The following UTRN variants were observed in gnomAD, a reference collection of about 807,000 sequenced individuals.
UTRN encodes utrophin.
A neutral mutation model predicts 463.9 loss-of-function variants in UTRN; 283 were observed. That is an observed-to-expected ratio of 0.61 (90% CI 0.55 to 0.67). The LOEUF is 0.67. Among genes scored for constraint, UTRN ranks in the 30% least tolerant of loss-of-function variants. The probability of loss-of-function intolerance (pLI) is 0.00; values close to 1 mark genes in which losing one functional copy is unlikely to be tolerated. For missense variants in UTRN, 3,922 were observed against 4,084.3 expected (o/e 0.96, Z 1.08); for synonymous variants, 1,442 against 1,431.5 (o/e 1.01, Z -0.17).
chr6:144,632,339 G>A (rs1238067366), intron 51 of UTRN, among the ~76,000 whole-genome samples: 2 of 152,238 alleles, frequency 1.3e-5, no homozygotes, highest in East Asian at 1.9e-4. Context: ...GCTGAGAAAC[G>A]TTTGTGAATA....
At chr6:144,565,734 G>A (rs983313067) in intron 50 of UTRN, among the ~76,000 whole-genome samples, 3 of 152,156 alleles carry the variant, frequency 2.0e-5, no homozygotes, top group Non-Finnish European at 4.4e-5. Context: ...TCCACAGCTT[G>A]GACATTCCTG....
At chr6:144,824,607 TATA>T (rs1562955070) in intron 66 of UTRN, among the ~76,000 whole-genome samples, 34 of 48,326 alleles carry the variant, frequency 7.0e-4, no homozygotes, top group East Asian at 5.3e-3. Context: ...TATATATATA[TATA>T]TATCTTTTTT....
At chr6:144,733,817 C>T (rs12525007) in intron 54 of UTRN, among the ~76,000 whole-genome samples, 17,986 of 152,202 alleles carry the variant, frequency 0.12, 1,682 homozygotes, top group Admixed American at 0.32. Context: ...GAAAAATGAA[C>T]TGCTCAGGTC....
At chr6:144,650,413 A>G (rs140454645) in intron 51 of UTRN, among the ~76,000 whole-genome samples, 1 of 152,342 alleles carries the variant, frequency 6.6e-6, no homozygotes, top group East Asian at 1.9e-4. Flanking sequence ...GGTGATTCCA[A>G]CTTGTTTTAA....
chr6:144,485,822 AT>A (rs1225913068), intron 28 of UTRN, among the ~76,000 whole-genome samples: 2 of 152,240 alleles, frequency 1.3e-5, no homozygotes, highest in African/African-American at 4.8e-5. Context: ...AAGCTCTGCC[AT>A]ATGTTATTAG....
chr6:144,665,389 T>G (rs1278289710), intron 51 of UTRN, among the ~76,000 whole-genome samples: 1 of 152,220 alleles, frequency 6.6e-6, no homozygotes, highest in Non-Finnish European at 1.5e-5. Context: ...TTATAATGTA[T>G]ATCACATAAT....
At chr6:144,294,344 A>C (rs1804503091) in intron 2 of UTRN, among the ~76,000 whole-genome samples, 2 of 152,108 alleles carry the variant, frequency 1.3e-5, no homozygotes, top group African/African-American at 4.8e-5. Context: ...CCTCTAAGGG[A>C]CTTTTTTTGA....
At chr6:144,430,109 C>T (rs1301526169) in intron 9 of UTRN, among the ~76,000 whole-genome samples, 1 of 151,964 alleles carries the variant, frequency 6.6e-6, no homozygotes, top group Non-Finnish European at 1.5e-5. Context: ...TTTCTAAGTA[C>T]TAATTGTCTT....
chr6:144,610,299 A>G (rs1021104607), intron 51 of UTRN, among the ~76,000 whole-genome samples: 2 of 152,126 alleles, frequency 1.3e-5, no homozygotes, highest in Non-Finnish European at 1.5e-5. Context: ...ACAATTATAC[A>G]GCAACTAATT....
intron 51 of UTRN, among the ~76,000 whole-genome samples, chr6:144,584,523 T>C (rs776505892): frequency 1.3e-5 from 2 of 152,146 alleles, no homozygotes; most frequent in African/African-American, 2.4e-5. Context: ...GAAAATATTA[T>C]TTTTCTGATG....
At chr6:144,406,331 T>G (rs1406954911) in intron 3 of UTRN, among the ~76,000 whole-genome samples, 1 of 149,906 alleles carries the variant, frequency 6.7e-6, no homozygotes, top group Non-Finnish European at 1.5e-5. Context: ...ACCTTCTCCA[T>G]CTCCCTTTCC....
chr6:144,457,009 G>T (rs1788911279), intron 19 of UTRN, among the ~76,000 whole-genome samples: 1 of 152,148 alleles, frequency 6.6e-6, no homozygotes, highest in Non-Finnish European at 1.5e-5. Flanking sequence ...TTAATAAAGT[G>T]ATCTTCTGTT....
intron 3 of UTRN, among the ~76,000 whole-genome samples, chr6:144,406,444 G>A (rs1584648287): frequency 6.8e-6 from 1 of 146,920 alleles, no homozygotes; most frequent in East Asian, 2.0e-4. Flanking sequence ...ATTGCAGCCT[G>A]CAGCCTCTGC....
chr6:144,742,580 T>G (rs937486630), intron 54 of UTRN, among the ~76,000 whole-genome samples: 1 of 152,176 alleles, frequency 6.6e-6, no homozygotes, highest in Admixed American at 6.5e-5. Context: ...CCTGGTTTGC[T>G]TATGTGAAAA....
intron 66 of UTRN, among the ~76,000 whole-genome samples, chr6:144,824,612 A>ATATT (rs1562955125): frequency 3.8e-4 from 15 of 39,796 alleles, no homozygotes; most frequent in East Asian, 1.1e-3. Context: ...ATATATATAT[A>ATATT]TCTTTTTTTT....
At position 144,462,757 on chromosome 6, in the gene UTRN, A is replaced by G. The variant is rs145863168; in HGVS notation, c.2957A>G (p.Tyr986Cys). The G allele has an allele frequency of 6.2e-6, 10 of 1,612,120 alleles. No homozygotes were observed. The African/African-American group carries it at 9.3e-5, about 15-fold the overall frequency. The change falls in exon 23 of 75, where the codon TAT becomes TGT. Residue 986 changes from tyrosine (Y) to cysteine (C), a missense_variant. Physicochemically the swap from Tyr to Cys is radical, Grantham distance 194. This residue lies in a region of UTRN where 2,349 missense variants were observed against 2,303.8 expected (regional missense o/e 1.02). Transcript: ENST00000367545. ...GTTCATCCTGATGTAGAAAAATTATATAAGCAAGAATTTGATGATGTGCAA... is the reference window on the plus strand; with the variant it reads ...GTTCATCCTGATGTAGAAAAATTATGTAAGCAAGAATTTGATGATGTGCAA... ...KNVHPDVEKLYKQEFDDVQGK... is the reference protein window; with the variant it reads ...KNVHPDVEKLCKQEFDDVQGK...
Position 144,840,829 on chromosome 6 carries a change from T to C in UTRN, c.10267T>C (p.Cys3423Arg). Residue 3423 changes from cysteine to arginine, a missense_variant, in exon 73 of 75, where the codon TGC becomes CGC. This residue lies in a region of UTRN where 1,309 missense variants were observed against 1,452.6 expected (regional missense o/e 0.90). Coordinates refer to ENST00000367545, the MANE Select transcript of UTRN (RefSeq NM_007124.3). ...GATTCACAGCACGTTTCCATCTTGCTGCCGTGAGTATGAAAGATTGCAGCA... is the reference window on the plus strand; with the variant it reads ...GATTCACAGCACGTTTCCATCTTGCCGCCGTGAGTATGAAAGATTGCAGCA... The part of the protein sequence containing the change: ...EQIHSTFPSC[C>R]PNVPSRPQAM 6.2e-7 allele frequency: 1 copy of C among 1,613,986 alleles called. No homozygotes were observed. The highest frequency in any genetic ancestry group is 1.1e-5 in the South Asian group (1 of 91,080).
intron 58 of UTRN, chr6:144,758,314 A>T: frequency 5.7e-6 from 1 of 175,730 alleles, no homozygotes; most frequent in Non-Finnish European, 1.2e-5. Context: ...AAGTAAAAAA[A>T]AAAAAAATTG....
intron 34 of UTRN, among the ~76,000 whole-genome samples, chr6:144,503,991 A>C (rs1240005842): frequency 6.6e-6 from 1 of 152,052 alleles, no homozygotes; most frequent in Non-Finnish European, 1.5e-5. Context: ...CTAGCTATTT[A>C]ATTCTCTTTG....
Sources: gnomAD v4.1 joint callset for allele counts (sites outside exome capture counted in the v4.1 genomes callset) on GRCh38, gnomAD v4.1.1 for gene constraint, gnomAD v4.1.1 regional missense constraint, MANE v1.5 for transcripts, NCBI Gene and HGNC (gene_info 2026-07-23, HGNC 2026-07-21) for gene names.